DNAH9: variants seen among roughly 807,000 people sequenced by gnomAD.
DNAH9 encodes the protein dynein axonemal heavy chain 9, also known as DNAH9 variant protein.
DNAH9 carries 345 observed loss-of-function variants against 471.6 expected under a neutral mutation model. The observed-to-expected ratio is 0.73, with a 90% CI of 0.67 to 0.80. The LOEUF (loss-of-function observed/expected upper bound fraction) is 0.80, where lower values mean the gene tolerates loss of function less well. DNAH9 is among the 30% of genes least tolerant of loss of function. The pLI is 0.00. For synonymous variants in DNAH9, 2,093 were observed against 2,123.6 expected, an observed-to-expected ratio of 0.99 and a Z score of 0.40; for missense variants, 5,407 against 5,609.2, an observed-to-expected ratio of 0.96 and a Z score of 1.15.
intron 36 of DNAH9, among the ~76,000 whole-genome samples, chr17:11,765,591 C>T (rs919430271): frequency 6.6e-6 from 1 of 152,168 alleles, no homozygotes; most frequent in African/African-American, 2.4e-5. Context: ...ACTGCCCTCC[C>T]CAGAGACAGA....
chr17:11,824,134 A>G (rs1970409200), intron 48 of DNAH9, among the ~76,000 whole-genome samples: 1 of 151,636 alleles, frequency 6.6e-6, no homozygotes, highest in South Asian at 2.1e-4. Context: ...ACCCCTTTCT[A>G]TTTTCTCTTC....
chr17:11,923,832 C>T lies in DNAH9; in HGVS notation c.11768C>T (p.Thr3923Ile), dbSNP rs780248968. ...CTTTTAGGAAGAAAACTTGGATACA[C>T]CTTCAACAATCAGAACTTTCACAAC... is the stretch of plus-strand genomic sequence containing the variant. ...VESQGRKLGY[T>I]FNNQNFHNVS... Residue 3923 changes from threonine to isoleucine, a missense_variant, in exon 62 of 69, where the codon ACC (threonine) becomes ATC (isoleucine). By Grantham distance (89) the Thr-to-Ile change is moderately conservative. Coordinates refer to ENST00000262442, the MANE Select transcript of DNAH9 (RefSeq NM_001372.4). 1.9e-6 allele frequency: 3 copies of T among 1,613,954 alleles called. No individual in the cohort carries two copies. Among genetic ancestry groups the T allele is most frequent in the Non-Finnish European group, 2.5e-6 (3 of 1,179,936 alleles).
intron 36 of DNAH9, among the ~76,000 whole-genome samples, chr17:11,764,519 C>T (rs1234441075): frequency 6.6e-6 from 1 of 151,928 alleles, no homozygotes; most frequent in Non-Finnish European, 1.5e-5. Flanking sequence ...TGACCTATAC[C>T]TTCCATTGCT....
intron 43 of DNAH9, among the ~76,000 whole-genome samples, chr17:11,803,992 C>T (rs1001772021): frequency 2.6e-5 from 4 of 152,220 alleles, no homozygotes; most frequent in Non-Finnish European, 4.4e-5. Flanking sequence ...TGAATCATTG[C>T]GTACATCACC....
At chr17:11,786,848 T>C (rs758467464) in intron 41 of DNAH9, among the ~76,000 whole-genome samples, 19 of 152,162 alleles carry the variant, frequency 1.2e-4, no homozygotes, top group Non-Finnish European at 2.5e-4. Context: ...CCTGATTCAG[T>C]TAGCCTGAGT....
intron 67 of DNAH9, among the ~76,000 whole-genome samples, chr17:11,955,332 T>C (rs1260333603): frequency 6.6e-6 from 1 of 151,602 alleles, no homozygotes; most frequent in African/African-American, 2.4e-5. Flanking sequence ...TTTGACACTT[T>C]ACAGGAAAAA....
Position 11,704,215 on chromosome 17 carries a change from T to A in DNAH9, c.5164T>A (p.Cys1722Ser), listed in dbSNP as rs1169930124. 1 of 1,613,964 alleles carries A rather than the reference T, an allele frequency of 6.2e-7. No individual in the cohort carries two copies. The highest frequency in any genetic ancestry group is 8.5e-7 in the Non-Finnish European group (1 of 1,179,956). Reference protein sequence around the residue: ...FDHPAQVALTCTQIWWTTEVG... With the variant: ...FDHPAQVALTSTQIWWTTEVG... ...CTTGCTGCCACAGGTGGCCCTGACC[T>A]GTACTCAGATCTGGTGGACAACAGA... Residue 1722 changes from cysteine to serine, a missense_variant, in exon 25 of 69, where the codon TGT becomes AGT. Coordinates refer to ENST00000262442, the MANE Select transcript of DNAH9 (RefSeq NM_001372.4).
chr17:11,870,895 T>C (rs1264918236), intron 51 of DNAH9, among the ~76,000 whole-genome samples: 1 of 152,160 alleles, frequency 6.6e-6, no homozygotes, highest in African/African-American at 2.4e-5. Flanking sequence ...AACAGGCATG[T>C]GAATGACTGG....
At chr17:11,903,280 G>A (rs1296481924) in intron 60 of DNAH9, among the ~76,000 whole-genome samples, 1 of 152,036 alleles carries the variant, frequency 6.6e-6, no homozygotes, top group East Asian at 1.9e-4. Context: ...AGAGGTTGCA[G>A]TGACCCGAGA....
intron 65 of DNAH9, among the ~76,000 whole-genome samples, chr17:11,934,334 A>T (rs992946735): frequency 4.7e-5 from 7 of 149,930 alleles, no homozygotes. Context: ...AGATCTTTCG[A>T]TTCTTGATGA....
chr17:11,861,027 C>CAT (rs1567855731), intron 50 of DNAH9, among the ~76,000 whole-genome samples: 1 of 143,960 alleles, frequency 6.9e-6, no homozygotes, highest in Non-Finnish European at 1.5e-5. Context: ...AGCTGTCATT[C>CAT]TTTTTTTTTT....
intron 27 of DNAH9, among the ~76,000 whole-genome samples, chr17:11,720,228 T>A (rs780364815): frequency 5.3e-5 from 8 of 152,104 alleles, no homozygotes; most frequent in Non-Finnish European, 8.8e-5. Context: ...TTGTGAGAAC[T>A]ATTTTCCAAT....
chr17:11,903,946 G>A (rs1276629737), intron 60 of DNAH9, among the ~76,000 whole-genome samples: 2 of 151,776 alleles, frequency 1.3e-5, no homozygotes, highest in African/African-American at 4.8e-5. Context: ...AAATACCAGG[G>A]AGACCAAGAT....
Position 11,623,663 on chromosome 17 carries a change from G to C in DNAH9, c.1350+3882G>C, listed in dbSNP as rs2072917470. 6.6e-6 allele frequency among the ~76,000 whole-genome samples: 1 copy of C among 152,064 alleles called. No individual in the cohort carries two copies. Among genetic ancestry groups the C allele is most frequent in the African/African-American group, 2.4e-5 (1 of 41,398 alleles). ...TCTGTGATCGATGCCTGATTGAAATGGGATTAATCTGCTCCTCTCCAGTAA... is the reference window on the plus strand; with the variant it reads ...TCTGTGATCGATGCCTGATTGAAATCGGATTAATCTGCTCCTCTCCAGTAA... On this transcript the variant is annotated intron_variant, in intron 6 of 68. Coordinates refer to ENST00000262442, the MANE Select transcript of DNAH9 (RefSeq NM_001372.4). The surrounding 1 kb of genome is among the most constrained non-coding windows in gnomAD (Gnocchi z 4.1).
intron 38 of DNAH9, among the ~76,000 whole-genome samples, chr17:11,773,194 G>A (rs1014662684): frequency 6.6e-6 from 1 of 152,194 alleles, no homozygotes; most frequent in Non-Finnish European, 1.5e-5. Context: ...TTGCAGCCCA[G>A]TGTCTTAATC....
intron 45 of DNAH9, among the ~76,000 whole-genome samples, chr17:11,816,157 A>T (rs1379772094): frequency 6.6e-6 from 1 of 152,170 alleles, no homozygotes; most frequent in African/African-American, 2.4e-5. Context: ...TGCACGTACC[A>T]CCACTGTATT....
chr17:11,797,734 C>A lies in DNAH9; in HGVS notation c.8361C>A (p.Asn2787Lys). The A allele has an allele frequency of 1.2e-6, 2 of 1,614,196 alleles. No individual in the cohort carries two copies. Among genetic ancestry groups the A allele is most frequent in the Non-Finnish European group, 1.7e-6 (2 of 1,180,036 alleles). The change falls in exon 43 of 69, where the codon AAC (asparagine) becomes AAA (lysine). Residue 2787 changes from asparagine to lysine, a missense_variant. Physicochemically the swap from Asn to Lys is moderately conservative, Grantham distance 94. This residue lies in a region of DNAH9 where 4,636 missense variants were observed against 4,900.3 expected (regional missense o/e 0.95). Coordinates refer to ENST00000262442, the MANE Select transcript of DNAH9 (RefSeq NM_001372.4). ...AGACTCTGGTGGAGGCCTTGGAGAACCACAATGAAGTCAACACAGTGATGG... is the reference window on the plus strand; with the variant it reads ...AGACTCTGGTGGAGGCCTTGGAGAAACACAATGAAGTCAACACAGTGATGG... The part of the protein sequence containing the change: ...LTQTLVEALE[N>K]HNEVNTVMDL...
At chr17:11,801,856 T>C (rs1483361942) in intron 43 of DNAH9, among the ~76,000 whole-genome samples, 2 of 152,130 alleles carry the variant, frequency 1.3e-5, no homozygotes, top group Non-Finnish European at 2.9e-5. Context: ...TCAATGTGGC[T>C]TCCAACATGG....
Position 11,875,039 on chromosome 17 carries a change from G to C in DNAH9, c.10333G>C (p.Ala3445Pro), listed in dbSNP as rs1972421367. The change falls in exon 53 of 69, where the codon GCC becomes CCC. Residue 3445 changes from alanine (A) to proline (P), a missense_variant. Around this residue, in one of 3 missense-constraint regions of DNAH9, gnomAD observed 4,636 missense variants for 4,900.3 expected, o/e 0.95. Coordinates refer to ENST00000262442, the MANE Select transcript of DNAH9 (RefSeq NM_001372.4). The part of the protein sequence containing the change: ...VAAWQNEGLP[A>P]DRMSVENATI... ...TGCCTGGCAGAACGAGGGCCTCCCA[G>C]CCGACCGCATGTCCGTGGAGAATGC... The C allele has an allele frequency of 6.2e-7, 1 of 1,614,010 alleles. No individual in the cohort carries two copies. The highest frequency in any genetic ancestry group is 1.3e-5 in the African/African-American group (1 of 74,912).
Sources: allele counts gnomAD v4.1 joint callset (sites outside exome capture counted in the v4.1 genomes callset), GRCh38; gene constraint gnomAD v4.1.1; regional missense constraint gnomAD v4.1.1; non-coding constraint Gnocchi (gnomAD v3.1); transcripts MANE v1.5; gene names NCBI Gene and HGNC (gene_info 2026-07-23, HGNC 2026-07-21).